SNX18: variants seen among roughly 807,000 people sequenced by gnomAD.
The protein encoded by SNX18 is sorting nexin 18.
Under a neutral mutation model 48.7 loss-of-function variants are expected in SNX18, and 35 were observed. The ratio of observed to expected loss-of-function variants is 0.72; its 90% CI spans 0.55 to 0.95. SNX18 has a LOEUF of 0.95. Among genes scored for constraint, SNX18 ranks in the 40% least tolerant of loss-of-function variants. The pLI is 0.00. For missense variants in SNX18, 824 were observed against 871.0 expected, an observed-to-expected ratio of 0.95 and a Z score of 0.68; for synonymous variants, 492 against 384.7, an observed-to-expected ratio of 1.28 and a Z score of -3.26.
chr5:54,518,901 G>A lies in SNX18; in HGVS notation c.949G>A (p.Asp317Asn), dbSNP rs374767533. ...GGTGCATCGGCGCTACAAGCACTTC[G>A]ACTGGCTGTACGCGCGCCTGGCGGA... ...VPVHRRYKHF[D>N]WLYARLAEKF... is the part of the protein sequence containing the mutation. Residue 317 changes from aspartate to asparagine, a missense_variant, in exon 1 of 2, where the codon GAC becomes AAC. Physicochemically the swap from Asp to Asn is conservative, Grantham distance 23. This residue lies in a region of SNX18 where 443 missense variants were observed against 503.6 expected (regional missense o/e 0.88). Coordinates refer to ENST00000381410, the MANE Select transcript of SNX18 (RefSeq NM_001102575.2). 243 of 1,613,814 alleles carry A rather than the reference G, an allele frequency of 1.5e-4. No homozygotes were observed. The highest frequency in any genetic ancestry group is 2.0e-4 in the Non-Finnish European group (241 of 1,180,012).
At chr5:54,586,749 G>A in the SNX18 span, among the ~76,000 whole-genome samples, 471 of 152,258 alleles carry the variant, frequency 3.1e-3, 2 homozygotes, top group African/African-American at 0.011. Context: ...TTTTAGAGGA[G>A]ACATTCAGAC....
chr5:54,568,833 CTTTTTTTT>C, the SNX18 span, among the ~76,000 whole-genome samples: 32 of 69,528 alleles, frequency 4.6e-4, no homozygotes, highest in Admixed American at 7.4e-4. Context: ...TTCAGTGGTA[CTTTTTTTT>C]TTTTTTTTTT....
the SNX18 span, among the ~76,000 whole-genome samples, chr5:54,647,047 T>C: frequency 1.3e-5 from 2 of 152,240 alleles, no homozygotes; most frequent in African/African-American, 2.4e-5. Flanking sequence ...CTTGGCTCAC[T>C]GAACCAGATC....
chr5:54,628,836 C>A, the SNX18 span, among the ~76,000 whole-genome samples: 1 of 152,216 alleles, frequency 6.6e-6, no homozygotes, highest in Non-Finnish European at 1.5e-5. Flanking sequence ...CCTTAGCCTC[C>A]TTTCTGCCTG....
chr5:54,588,306 C>CTTTTT, the SNX18 span, among the ~76,000 whole-genome samples: 167 of 73,904 alleles, frequency 2.3e-3, 9 homozygotes, highest in East Asian at 3.6e-3. Context: ...TATTTCTATT[C>CTTTTT]TTTTTTTTTT....
chr5:54,534,654 C>T (rs1376366065), intron 1 of SNX18, among the ~76,000 whole-genome samples: 5 of 148,362 alleles, frequency 3.4e-5, no homozygotes, highest in Non-Finnish European at 4.4e-5. Flanking sequence ...GGCAGTACAG[C>T]GTATGAGGAT....
the SNX18 span, among the ~76,000 whole-genome samples, chr5:54,637,568 A>G: frequency 6.6e-6 from 1 of 152,284 alleles, no homozygotes; most frequent in East Asian, 1.9e-4. Flanking sequence ...TAGAAAAGAT[A>G]ATAAAAATAG....
intron 1 of SNX18, among the ~76,000 whole-genome samples, chr5:54,526,517 C>T (rs1411801323): frequency 6.6e-6 from 1 of 152,134 alleles, no homozygotes; most frequent in Non-Finnish European, 1.5e-5. Flanking sequence ...ATTTGACTTT[C>T]CTCTTCTGCT....
rs190708307 is a variant in SNX18, at chr5:54,544,977, T to G, written c.*1545T>G. On this transcript the variant is annotated 3_prime_UTR_variant, in exon 2 of 2. Transcript: ENST00000381410. Reference sequence around the variant, plus strand: ...TTGAAATATTGGTGAGTCACAAAGATTAAAGAAAAGGATCAGTTTGCAGAT... The same window carrying G: ...TTGAAATATTGGTGAGTCACAAAGAGTAAAGAAAAGGATCAGTTTGCAGAT... 7.2e-5 allele frequency: 11 copies of G among 152,252 alleles called. No individual in the cohort carries two copies. The highest frequency in any genetic ancestry group is 7.2e-4 in the Admixed American group (11 of 15,288). 9.4% of individuals were successfully genotyped at this position (152,252 alleles called of 1,614,324 possible).
the SNX18 span, among the ~76,000 whole-genome samples, chr5:54,632,774 A>AT: frequency 6.6e-6 from 1 of 151,406 alleles, no homozygotes; most frequent in Non-Finnish European, 1.5e-5. Flanking sequence ...AGTAATTTTT[A>AT]TTTTTTTTAT....
chr5:54,614,510 T>C, the SNX18 span, among the ~76,000 whole-genome samples: 1 of 152,034 alleles, frequency 6.6e-6, no homozygotes, highest in Non-Finnish European at 1.5e-5. Flanking sequence ...GGAAAAATAA[T>C]GAGAAAGATT....
At chr5:54,521,471 G>A (rs182779539) in intron 1 of SNX18, among the ~76,000 whole-genome samples, 1 of 152,316 alleles carries the variant, frequency 6.6e-6, no homozygotes, top group Non-Finnish European at 1.5e-5. Flanking sequence ...GGTCGAGGCA[G>A]GAGGATTGCC....
At chr5:54,553,417 T>A in the SNX18 span, among the ~76,000 whole-genome samples, 1 of 151,954 alleles carries the variant, frequency 6.6e-6, no homozygotes, top group Admixed American at 6.6e-5. Context: ...GGCCACCATG[T>A]CCCCAGTCTT....
the SNX18 span, among the ~76,000 whole-genome samples, chr5:54,626,580 T>C: frequency 6.6e-6 from 1 of 152,246 alleles, no homozygotes. Flanking sequence ...GTTTGGAAGG[T>C]AATTTTACCA....
At chr5:54,633,494 C>T in the SNX18 span, among the ~76,000 whole-genome samples, 1 of 152,258 alleles carries the variant, frequency 6.6e-6, no homozygotes, top group Non-Finnish European at 1.5e-5. Context: ...AGGGAATGGA[C>T]TCCAGGAACC....
rs1762510779 is a variant in SNX18, at chr5:54,543,452, G to A, written c.*20G>A. On this transcript the variant is annotated 3_prime_UTR_variant, in exon 2 of 2. Transcript: ENST00000381410. ...GTTTAATGACTGGACGTTGGATTAT[G>A]GACTTTTTCAGTTCAAGGATAATTT... is the stretch of plus-strand genomic sequence containing the variant. The A allele has an allele frequency of 6.2e-7, 1 of 1,606,776 alleles. No individual in the cohort carries two copies. The highest frequency in any genetic ancestry group is 8.5e-7 in the Non-Finnish European group (1 of 1,175,618).
chr5:54,568,132 C>T, the SNX18 span, among the ~76,000 whole-genome samples: 5 of 152,154 alleles, frequency 3.3e-5, no homozygotes, highest in African/African-American at 1.2e-4. Flanking sequence ...TATGGCCTCG[C>T]TTCTCCCCAC....
the SNX18 span, among the ~76,000 whole-genome samples, chr5:54,583,368 G>A: frequency 2.6e-5 from 4 of 152,244 alleles, no homozygotes; most frequent in African/African-American, 9.6e-5. Context: ...GAGCATGGAA[G>A]TTGGGCTCAT....
At chr5:54,577,592 AGTTT>A in the SNX18 span, among the ~76,000 whole-genome samples, 8 of 152,134 alleles carry the variant, frequency 5.3e-5, no homozygotes, top group African/African-American at 1.9e-4. Context: ...AGCGAGGATT[AGTTT>A]GTCAGTCTCT....
Sources: allele counts gnomAD v4.1 joint callset (sites outside exome capture counted in the v4.1 genomes callset), GRCh38; gene constraint gnomAD v4.1.1; regional missense constraint gnomAD v4.1.1; transcripts MANE v1.5; gene names NCBI Gene and HGNC (gene_info 2026-07-23, HGNC 2026-07-21).